The following SPDYC variants were observed in gnomAD, a reference collection of about 807,000 sequenced individuals.
The protein encoded by SPDYC is speedy protein C.
SPDYC carries 25 observed loss-of-function variants against 33.9 expected under a neutral mutation model. The ratio of observed to expected loss-of-function variants is 0.74; its 90% CI spans 0.54 to 1.03. The LOEUF is 1.03. Ranked by LOEUF, SPDYC falls within the 50% of genes least tolerant of loss-of-function variation. The pLI is 0.00. For missense variants in SPDYC, 349 were observed against 382.9 expected, an observed-to-expected ratio of 0.91 and a Z score of 0.74; for synonymous variants, 133 against 140.2, an observed-to-expected ratio of 0.95 and a Z score of 0.36.
chr11:65,171,918 C>G (rs1348576890), intron 2 of SPDYC, 25 bp from the exon 3 acceptor site: 1 of 1,612,326 alleles, frequency 6.2e-7, no homozygotes. Flanking sequence ...TAACCTGCGT[C>G]CTGTCATGTC....
Position 65,172,768 on chromosome 11 carries a change from G to GTCCC in SPDYC, c.603_606dup (p.Val203ProfsTer30), listed in dbSNP as rs1948452832. 1 of 1,613,868 alleles carries GTCCC rather than the reference G, an allele frequency of 6.2e-7. No individual in the cohort carries two copies. ...TGGGGTTCAGAGGGTCTGTCCACAG[G>GTCCC]TCCCTGTTCGCCTTCCCCGGGGCCC... On this transcript the variant is annotated frameshift_variant, in exon 6 of 7. Coordinates refer to ENST00000377185, the Ensembl canonical transcript of SPDYC. LOFTEE classifies it high-confidence loss of function.
chr11:65,170,787 G>C (rs1316550184), intron 1 of SPDYC, among the ~76,000 whole-genome samples: 1 of 152,148 alleles, frequency 6.6e-6, no homozygotes, highest in African/African-American at 2.4e-5. Flanking sequence ...GGAGGCTCAG[G>C]CTGGAGAATC....
exon 5 of SPDYC, chr11:65,172,462 C>T: frequency 6.3e-7 from 1 of 1,590,626 alleles, no homozygotes; most frequent in Non-Finnish European, 8.6e-7. Flanking sequence ...GGAGGAGGAC[C>T]TGGAGGGCCC....
chr11:65,170,270 C>T lies in SPDYC; in HGVS notation c.26+9C>T, dbSNP rs200979681. 8.4e-4 allele frequency: 1,320 copies of T among 1,578,376 alleles called. 1 individual carries two copies. Among genetic ancestry groups the T allele is most frequent in the Non-Finnish European group, 9.1e-4 (1,058 of 1,160,756 alleles). On this transcript the variant is annotated intron_variant, in intron 1 of 6. Transcript: ENST00000377185. ...GCCATTCCTGAGCTCGGGTAAGGCT[C>T]GCTGCAGGAGGAGGCTGGGTTGCTT...
rs1350488953 is a variant in SPDYC at position 65,172,673 on chromosome 11, G to T, written c.517-11G>T. ...TCCCACCCCATTTACTGTCCACTCTGCTCCTCCCAGGTCATGGCAAAGGAG... is the reference window on the plus strand; with the variant it reads ...TCCCACCCCATTTACTGTCCACTCTTCTCCTCCCAGGTCATGGCAAAGGAG... On this transcript the variant is annotated splice_polypyrimidine_tract_variant and intron_variant, in intron 5 of 6. Transcript: ENST00000377185. The T allele has an allele frequency of 6.3e-7, 1 of 1,590,880 alleles. No individual in the cohort carries two copies. The highest frequency in any genetic ancestry group is 8.6e-7 in the Non-Finnish European group (1 of 1,166,480).
rs995639047 is a variant in SPDYC, at chr11:65,171,287, CG to C, written c.27-35del. Reference sequence around the variant, plus strand: ...CCACCCTCTTGATTTGTGAGCATCACGGGGGTACATGCTAAGTCCTGAGCCT... The same window carrying C: ...CCACCCTCTTGATTTGTGAGCATCACGGGGTACATGCTAAGTCCTGAGCCT... On this transcript the variant is annotated intron_variant, in intron 1 of 6. Transcript: ENST00000377185. 8.3e-6 allele frequency: 13 copies of C among 1,574,442 alleles called. No individual in the cohort carries two copies. The East Asian group carries it at 1.2e-4, about 14-fold the overall frequency.
chr11:65,172,684 G>T (rs1948451173), exon 6 of SPDYC: 4 of 1,601,138 alleles, frequency 2.5e-6, no homozygotes, highest in Non-Finnish European at 3.4e-6. Context: ...CTCCTCCCAG[G>T]TCATGGCAAA....
Position 65,172,633 on chromosome 11 carries a change from G to A in SPDYC, c.516+28G>A, listed in dbSNP as rs1321709306. On this transcript the variant is annotated intron_variant, in intron 5 of 6. Coordinates refer to ENST00000377185, the Ensembl canonical transcript of SPDYC. Reference sequence around the variant, plus strand: ...GAGGCTGGGAGGCAACCTGGGGTGTGGGGAAGGCTGGGGTTCCCACCCCAT... The same window carrying A: ...GAGGCTGGGAGGCAACCTGGGGTGTAGGGAAGGCTGGGGTTCCCACCCCAT... 4 of 1,556,486 alleles carry A rather than the reference G, an allele frequency of 2.6e-6. No individual in the cohort carries two copies. In the Admixed American group the frequency reaches 5.7e-5, roughly 22 times the overall value.
At position 65,172,608 on chromosome 11, in the gene SPDYC, G is replaced by A; in HGVS notation, c.516+3G>A. ...TGAGCCGCCAGTGCTGTGAGGAGGT[G>A]AGGCTGGGAGGCAACCTGGGGTGTG... On this transcript the variant is annotated splice_donor_region_variant and intron_variant, in intron 5 of 6. Coordinates refer to ENST00000377185, the Ensembl canonical transcript of SPDYC. 6.4e-7 allele frequency: 1 copy of A among 1,550,694 alleles called. No homozygotes were observed. Among genetic ancestry groups the A allele is most frequent in the Non-Finnish European group, 8.7e-7 (1 of 1,148,196 alleles).
exon 6 of SPDYC, chr11:65,172,818 C>G: frequency 6.2e-7 from 1 of 1,614,170 alleles, no homozygotes; most frequent in South Asian, 1.1e-5. Context: ...CCCACTGTTC[C>G]CCCTGTGGTT....
At chr11:65,172,077 G>A in intron 3 of SPDYC, 76 bp downstream of exon 3, 2 of 1,538,208 alleles carry the variant, frequency 1.3e-6, no homozygotes, top group Non-Finnish European at 1.8e-6. Flanking sequence ...GTCTGGTAGG[G>A]AGAGCCACTC....
chr11:65,172,031 A>C, intron 3 of SPDYC, 30 bp downstream of exon 3: 1 of 1,612,312 alleles, frequency 6.2e-7, no homozygotes, highest in Non-Finnish European at 8.5e-7. Context: ...GGGTCTCTTG[A>C]GGGTCAGGTT....
At chr11:65,171,337 C>G in exon 2 of SPDYC, 2 of 1,609,624 alleles carry the variant, frequency 1.2e-6, no homozygotes, top group Non-Finnish European at 1.7e-6. Flanking sequence ...GTCACCCTGC[C>G]CCATCTCCAT....
chr11:65,170,894 AC>A (rs1262898831), intron 1 of SPDYC, among the ~76,000 whole-genome samples: 1 of 149,776 alleles, frequency 6.7e-6, no homozygotes, highest in Non-Finnish European at 1.5e-5. Context: ...AAACAAACAA[AC>A]AAAAACCAAA....
At chr11:65,173,292 C>A, downstream of SPDYC, 1 of 1,529,386 alleles carries the variant, frequency 6.5e-7, no homozygotes, top group Non-Finnish European at 8.9e-7. Context: ...CCCACCCCTG[C>A]CCCTTCCTCC....
chr11:65,173,131 C>T (rs369022933), intron 6 of SPDYC, 52 bp from the exon 7 acceptor site: 13 of 1,609,430 alleles, frequency 8.1e-6, no homozygotes, highest in African/African-American at 6.7e-5. Context: ...CTGCCCCTCC[C>T]GTGTGAGCTT....
chr11:65,171,412 C>T, exon 2 of SPDYC: 1 of 1,608,902 alleles, frequency 6.2e-7, no homozygotes, highest in Non-Finnish European at 8.5e-7. Context: ...CCAGGTAGAG[C>T]TGGGGGGCTG....
intron 2 of SPDYC, 92 bp downstream of exon 2, chr11:65,171,591 T>C: frequency 3.0e-6 from 4 of 1,345,434 alleles, no homozygotes; most frequent in Non-Finnish European, 3.9e-6. Flanking sequence ...TACAGACATC[T>C]GAGACCTCTG....
intron 2 of SPDYC, 52 bp from the exon 3 acceptor site, chr11:65,171,891 C>T: frequency 1.3e-6 from 2 of 1,548,260 alleles, no homozygotes; most frequent in South Asian, 2.2e-5. Flanking sequence ...TGCCACTCTT[C>T]TCCATGGAGG....
Sources: allele counts gnomAD v4.1 joint callset (sites outside exome capture counted in the v4.1 genomes callset), GRCh38; gene constraint gnomAD v4.1.1; transcripts MANE v1.5; gene names NCBI Gene and HGNC (gene_info 2026-07-23, HGNC 2026-07-21).